Variants in SNRNP200 observed in about 807,000 individuals in gnomAD.
SNRNP200 encodes the protein small nuclear ribonucleoprotein U5 subunit 200.
A neutral mutation model predicts 255.2 loss-of-function variants in SNRNP200; 66 were observed. The ratio of observed to expected loss-of-function variants is 0.26; its 90% CI spans 0.21 to 0.32. SNRNP200 has a LOEUF of 0.32. SNRNP200 is among the 10% of genes least tolerant of loss of function. The probability of loss-of-function intolerance (pLI) is 1.00; values close to 1 mark genes in which losing one functional copy is unlikely to be tolerated. For missense variants in SNRNP200, 1,585 were observed against 2,749.8 expected, an observed-to-expected ratio of 0.58 and a Z score of 9.47; for synonymous variants, 939 against 1,027.8, an observed-to-expected ratio of 0.91 and a Z score of 1.65.
chr2:96,295,898 C>T (rs1408251581), intron 13 of SNRNP200, among the ~76,000 whole-genome samples: 3 of 152,160 alleles, frequency 2.0e-5, no homozygotes, highest in Admixed American at 2.0e-4. Flanking sequence ...GTAATTCTAG[C>T]ACTTTCAGAG....
chr2:96,278,053 A>G lies in SNRNP200; in HGVS notation c.5611-103T>C. On this transcript the variant is annotated intron_variant, in intron 39 of 44. Transcript: ENST00000323853. The surrounding 1 kb of genome is among the most constrained non-coding windows in gnomAD (Gnocchi z 6.9). ...GCCCAGGCTCACACAGCCCTTCAACACCCTGAGGCATGTGGGTGGTAATGG... is the reference window on the plus strand; with the variant it reads ...GCCCAGGCTCACACAGCCCTTCAACGCCCTGAGGCATGTGGGTGGTAATGG... 6.4e-7 allele frequency: 1 copy of G among 1,558,002 alleles called. No homozygotes were observed. Among genetic ancestry groups the G allele is most frequent in the South Asian group, 1.1e-5 (1 of 89,326 alleles).
chr2:96,303,827 T>C (rs955092580), intron 2 of SNRNP200, among the ~76,000 whole-genome samples: 3 of 150,802 alleles, frequency 2.0e-5, no homozygotes, highest in Non-Finnish European at 4.4e-5. Context: ...GAGGTGGAGG[T>C]TGCCGTGAGA....
intron 34 of SNRNP200, chr2:96,282,289 C>T (rs553737769): frequency 4.2e-6 from 1 of 236,028 alleles, no homozygotes; most frequent in South Asian, 6.3e-5. Flanking sequence ...CTAAGCATGC[C>T]CCAAACAGGC....
chr2:96,279,140 G>A, intron 36 of SNRNP200, 142 bp from the exon 37 acceptor site: 2 of 732,248 alleles, frequency 2.7e-6, no homozygotes, highest in Non-Finnish European at 4.8e-6. Flanking sequence ...TTTAGAAAGT[G>A]CATCACTGGT....
At position 96,291,673 on chromosome 2, in the gene SNRNP200, C is replaced by T. The variant is rs2063884866; in HGVS notation, c.2310+78G>A. 2.0e-6 allele frequency: 3 copies of T among 1,514,570 alleles called. No homozygotes were observed. The highest frequency in any genetic ancestry group is 1.4e-5 in the African/African-American group (1 of 73,106). The allele number at this position is 1,514,570 out of a possible 1,614,324, so 93.8% of individuals were successfully genotyped here. The stretch of plus-strand genomic sequence containing the variant: ...GGAAACAACAATACCACAGTACAGT[C>T]CTAGAGGAGCTGTCTGGGGCCTGAG... On this transcript the variant is annotated intron_variant, in intron 17 of 44. Transcript: ENST00000323853. The surrounding 1 kb of genome is among the most constrained non-coding windows in gnomAD (Gnocchi z 4.2).
Position 96,287,935 on chromosome 2 carries a change from A to G in SNRNP200, c.3293T>C (p.Ile1098Thr). The G allele has an allele frequency of 6.2e-7, 1 of 1,614,154 alleles. No individual in the cohort carries two copies. Among genetic ancestry groups the G allele is most frequent in the East Asian group, 2.2e-5 (1 of 44,876 alleles). The change falls in exon 25 of 45, where the codon ATT becomes ACT. Residue 1098 changes from isoleucine to threonine, a missense_variant. Around this residue, in one of 9 missense-constraint regions of SNRNP200, gnomAD observed 719 missense variants for 1,091.1 expected, o/e 0.66. Transcript: ENST00000323853. This position sits in a 1 kb window ranked among gnomAD's most constrained non-coding sequence, Gnocchi z 5.7. ...CTGTGCCCAACCTCGGTTCAGGACA[A>G]TTTCAAATATCGCTCGCATCAACCG... ...AGRLMRAIFE[I>T]VLNRGWAQLT... is the part of the protein sequence containing the mutation.
intron 7 of SNRNP200, 33 bp downstream of exon 7, chr2:96,298,782 C>T: frequency 6.2e-7 from 1 of 1,614,096 alleles, no homozygotes; most frequent in Non-Finnish European, 8.5e-7. Flanking sequence ...CTAAGATACA[C>T]TAAATATACA....
chr2:96,302,233 C>A (rs895563110), intron 3 of SNRNP200, among the ~76,000 whole-genome samples: 1 of 152,194 alleles, frequency 6.6e-6, no homozygotes, highest in Admixed American at 6.5e-5. Flanking sequence ...TGAATATTAA[C>A]AGCACCTATT....
chr2:96,298,008 G>A (rs2063929508), intron 9 of SNRNP200, among the ~76,000 whole-genome samples: 1 of 152,192 alleles, frequency 6.6e-6, no homozygotes, highest in South Asian at 2.1e-4. Flanking sequence ...AAGTACATGT[G>A]TTCTGTTACT....
rs978498554 is a variant in SNRNP200, at chr2:96,279,063, G to A, written c.5134-65C>T. On this transcript the variant is annotated intron_variant, in intron 36 of 44. Coordinates refer to ENST00000323853, the MANE Select transcript of SNRNP200 (RefSeq NM_014014.5). ...TGACAACACGGTCACAGAGGGCCAA[G>A]GGCAAATCAACAGGGCATGGTCCCT... 19 of 1,340,498 alleles carry A rather than the reference G, an allele frequency of 1.4e-5. No homozygotes were observed. The Admixed American group carries it at 3.2e-4, about 23-fold the overall frequency. 83.0% of individuals were successfully genotyped at this position (1,340,498 alleles called of 1,614,324 possible). A position where few individuals can be genotyped will look rare whatever the true frequency, so the allele number is the denominator to read the frequency against.
intron 34 of SNRNP200, chr2:96,282,125 T>C: frequency 5.4e-6 from 3 of 558,674 alleles, no homozygotes; most frequent in Middle Eastern, 4.4e-4. Context: ...GCTCTGGGAC[T>C]ATCCAGGAGA....
chr2:96,299,664 T>G (rs2063940684), intron 5 of SNRNP200, among the ~76,000 whole-genome samples: 1 of 152,166 alleles, frequency 6.6e-6, no homozygotes, highest in Non-Finnish European at 1.5e-5. Flanking sequence ...ACAATGGCAA[T>G]CAACTGGATC....
At chr2:96,301,384 T>C in intron 4 of SNRNP200, 140 bp downstream of exon 4, 5 of 928,848 alleles carry the variant, frequency 5.4e-6, no homozygotes, top group Non-Finnish European at 7.1e-6. Context: ...TGTCCATCAA[T>C]TGTAACTCTT....
chr2:96,294,450 CCAGA>C lies in SNRNP200; in HGVS notation c.1843-945_1843-942del, dbSNP rs952099999. ...TGAAACTCCGTCTAAAAAAAAAAAG[CCAGA>C]CAGTCAGTATTTCAGGCTTTGGCCC... On this transcript the variant is annotated intron_variant, in intron 14 of 44. Transcript: ENST00000323853. 3.3e-3 allele frequency among the ~76,000 whole-genome samples: 499 copies of C among 151,914 alleles called. 1 individual carries two copies. The highest frequency in any genetic ancestry group is 0.011 in the African/African-American group (469 of 41,470).
chr2:96,293,227 TA>T, intron 15 of SNRNP200, 88 bp downstream of exon 15: 1 of 1,578,390 alleles, frequency 6.3e-7, no homozygotes, highest in South Asian at 1.1e-5. Context: ...AAGGCCCTTC[TA>T]AAACCCAACC....
intron 31 of SNRNP200, 137 bp from the exon 32 acceptor site, chr2:96,284,141 T>C: frequency 1.1e-6 from 1 of 942,940 alleles, no homozygotes. Context: ...ATGTGTTTGG[T>C]TCTACCTCCT....
intron 36 of SNRNP200, 116 bp from the exon 37 acceptor site, chr2:96,279,114 T>A: frequency 1.2e-6 from 1 of 818,618 alleles, no homozygotes; most frequent in South Asian, 1.4e-5. Context: ...AATACCAAAA[T>A]GGAAGAAGCC....
chr2:96,303,387 C>A, intron 2 of SNRNP200, 57 bp from the exon 3 acceptor site: 2 of 1,600,362 alleles, frequency 1.2e-6, no homozygotes, highest in Non-Finnish European at 1.7e-6. Context: ...CAAGGGAAGA[C>A]TGGATCAAGC....
At chr2:96,300,784 C>T (rs1382833707) in intron 5 of SNRNP200, among the ~76,000 whole-genome samples, 1 of 152,060 alleles carries the variant, frequency 6.6e-6, no homozygotes, top group African/African-American at 2.4e-5. Flanking sequence ...AATTATATTG[C>T]TTTACATTTG....
Sources: allele counts gnomAD v4.1 joint callset (sites outside exome capture counted in the v4.1 genomes callset), GRCh38; gene constraint gnomAD v4.1.1; regional missense constraint gnomAD v4.1.1; non-coding constraint Gnocchi (gnomAD v3.1); transcripts MANE v1.5; gene names NCBI Gene and HGNC (gene_info 2026-07-23, HGNC 2026-07-21).